Variants in IL2RA observed in about 807,000 individuals in gnomAD.
The protein encoded by IL2RA is interleukin-2 receptor subunit alpha.
A neutral mutation model predicts 37.8 loss-of-function variants in IL2RA; 24 were observed. That is an observed-to-expected ratio of 0.63 (90% CI 0.46 to 0.89). IL2RA has a LOEUF of 0.89. IL2RA is among the 40% of genes least tolerant of loss of function. The pLI is 0.00. For missense variants in IL2RA, 319 were observed against 348.6 expected (o/e 0.92, Z 0.68); for synonymous variants, 125 against 114.6 (o/e 1.09, Z -0.58).
intron 7 of IL2RA, 148 bp downstream of exon 7, chr10:6,017,901 CTCTT>C: frequency 1.4e-6 from 1 of 711,658 alleles, no homozygotes; most frequent in South Asian, 1.5e-5. Context: ...TTTTAACTGA[CTCTT>C]TCCGAGGCAT....
At position 6,044,631 on chromosome 10, in the gene IL2RA, GC is replaced by G; in HGVS notation, c.64+17456del. On this transcript the variant is annotated intron_variant, in intron 1 of 7. Transcript: ENST00000379959. This position sits in a 1 kb window ranked among gnomAD's most constrained non-coding sequence, Gnocchi z 4.5. ...GTCCTCAATTTTGTCCGATGTCTGAGCCCTGCCTCGGGGGTTGAGTCCCAAC... is the reference window on the plus strand; with the variant it reads ...GTCCTCAATTTTGTCCGATGTCTGAGCCTGCCTCGGGGGTTGAGTCCCAAC... Among the ~76,000 whole-genome samples the G allele has an allele frequency of 6.6e-6, 1 of 152,300 alleles. No homozygotes were observed. The highest frequency in any genetic ancestry group is 3.4e-3 in the Middle Eastern group (1 of 294).
chr10:6,020,813 G>A lies in IL2RA; in HGVS notation c.583+665C>T, dbSNP rs1839372449. On this transcript the variant is annotated intron_variant, in intron 4 of 7. Coordinates refer to ENST00000379959, the MANE Select transcript of IL2RA (RefSeq NM_000417.3). The surrounding 1 kb of genome is among the most constrained non-coding windows in gnomAD (Gnocchi z 5.6). The stretch of plus-strand genomic sequence containing the variant: ...CTCCCAGAGTGCTGGGATTACAGGT[G>A]TGAGCCACTGTGCCCAGCCTGCATG... 6.6e-6 allele frequency among the ~76,000 whole-genome samples: 1 copy of A among 152,182 alleles called. No homozygotes were observed. The highest frequency in any genetic ancestry group is 2.4e-5 in the African/African-American group (1 of 41,438).
intron 7 of IL2RA, among the ~76,000 whole-genome samples, 180 bp downstream of exon 7, chr10:6,017,873 C>G (rs567263760): frequency 6.6e-6 from 1 of 152,072 alleles, no homozygotes; most frequent in African/African-American, 2.4e-5. Flanking sequence ...CCACTGCACC[C>G]GGCGGTGCTT....
chr10:6,025,031 A>G lies in IL2RA; in HGVS notation c.257-677T>C, dbSNP rs945117793. ...GAGGACTGCTTGAGCCCAGGAGTTTAAGACCAGCCTGGACAACATGGGGAA... is the reference window on the plus strand; with the variant it reads ...GAGGACTGCTTGAGCCCAGGAGTTTGAGACCAGCCTGGACAACATGGGGAA... On this transcript the variant is annotated intron_variant, in intron 2 of 7. Coordinates refer to ENST00000379959, the MANE Select transcript of IL2RA (RefSeq NM_000417.3). The surrounding 1 kb of genome is among the most constrained non-coding windows in gnomAD (Gnocchi z 4.4). Among the ~76,000 whole-genome samples, 1 of 152,100 alleles carries G rather than the reference A, an allele frequency of 6.6e-6. No individual in the cohort carries two copies. The highest frequency in any genetic ancestry group is 1.9e-4 in the East Asian group (1 of 5,182).
At position 6,012,428 on chromosome 10, in the gene IL2RA, A is replaced by T. The variant is rs12722601; in HGVS notation, c.*444T>A. 5.2e-4 allele frequency: 117 copies of T among 226,374 alleles called. 1 individual carries two copies. The highest frequency in any genetic ancestry group is 2.7e-3 in the South Asian group (38 of 13,832). 14.0% of individuals were successfully genotyped at this position (226,374 alleles called of 1,614,324 possible). ...CAGACAATGTCCAGTTGTATAGGGT[A>T]GAGTGTGTGTGTTGTGTATTTACGT... On this transcript the variant is annotated 3_prime_UTR_variant, in exon 8 of 8. Coordinates refer to ENST00000379959, the MANE Select transcript of IL2RA (RefSeq NM_000417.3). The surrounding 1 kb of genome is among the most constrained non-coding windows in gnomAD (Gnocchi z 4.8).
chr10:6,013,575 G>C (rs1564539377), intron 7 of IL2RA, among the ~76,000 whole-genome samples: 1 of 152,142 alleles, frequency 6.6e-6, no homozygotes. Context: ...ACGGTTGCCT[G>C]TCTTCCCTGG....
Position 6,057,485 on chromosome 10 carries a change from A to T in IL2RA, c.64+4603T>A, listed in dbSNP as rs1278624937. On this transcript the variant is annotated intron_variant, in intron 1 of 7. Transcript: ENST00000379959. The surrounding 1 kb of genome is among the most constrained non-coding windows in gnomAD (Gnocchi z 4.8). ...GAGCTTATTTTATTTCCTTTCTGGAATCCTTGACATAGAGTGAAGGAACTG... is the reference window on the plus strand; with the variant it reads ...GAGCTTATTTTATTTCCTTTCTGGATTCCTTGACATAGAGTGAAGGAACTG... Among the ~76,000 whole-genome samples, 3 of 152,174 alleles carry T rather than the reference A, an allele frequency of 2.0e-5. No individual in the cohort carries two copies. Among genetic ancestry groups the T allele is most frequent in the Non-Finnish European group, 4.4e-5 (3 of 68,036 alleles).
intron 7 of IL2RA, chr10:6,017,228 CCA>C (rs1335544969): frequency 6.6e-6 from 1 of 152,268 alleles, no homozygotes; most frequent in Non-Finnish European, 1.5e-5. Context: ...TGCAAAAAGA[CCA>C]CACATGGTTT....
intron 1 of IL2RA, among the ~76,000 whole-genome samples, chr10:6,037,113 G>A (rs1327512397): frequency 6.6e-6 from 1 of 152,180 alleles, no homozygotes; most frequent in African/African-American, 2.4e-5. Context: ...CACAGTGAGT[G>A]CTGCTCAATC....
At chr10:6,027,101 C>T (rs2132861293) in intron 1 of IL2RA, among the ~76,000 whole-genome samples, 1 of 152,240 alleles carries the variant, frequency 6.6e-6, no homozygotes, top group African/African-American at 2.4e-5. Flanking sequence ...GCGGGTAGAT[C>T]ACATGAGGTC....
At chr10:6,013,689 C>T (rs1839229759) in intron 7 of IL2RA, among the ~76,000 whole-genome samples, 1 of 152,088 alleles carries the variant, frequency 6.6e-6, no homozygotes, top group Admixed American at 6.5e-5. Context: ...GGTATTTCCA[C>T]CATGCGGACA....
chr10:6,031,504 A>ATATATATG (rs1564546048), intron 1 of IL2RA, among the ~76,000 whole-genome samples: 1 of 70,286 alleles, frequency 1.4e-5, no homozygotes, highest in East Asian at 7.5e-4. Flanking sequence ...GTATATATAT[A>ATATATATG]TATATATGTA....
chr10:6,031,473 T>TATAC lies in IL2RA; in HGVS notation c.65-5449_65-5448insGTAT, dbSNP rs1839580655. Among the ~76,000 whole-genome samples the TATAC allele has an allele frequency of 1.2e-4, 2 of 16,870 alleles. 1 individual carries two copies. Among genetic ancestry groups the TATAC allele is most frequent in the African/African-American group, 4.0e-4 (2 of 4,940 alleles). The allele number at this position is 16,870 out of a possible 152,430, so 11.1% of individuals were successfully genotyped here. ...ATATATACATATATATATATATATA[T>TATAC]ATATATATATATATATATATGTATA... is the stretch of plus-strand genomic sequence containing the variant. On this transcript the variant is annotated intron_variant, in intron 1 of 7. Transcript: ENST00000379959.
In IL2RA at chr10:6,060,426, G is replaced by A. The variant is rs148830805; in HGVS notation, c.64+1662C>T. Among the ~76,000 whole-genome samples, 1,156 of 152,228 alleles carry A rather than the reference G, an allele frequency of 7.6e-3. 14 individuals carry two copies. The highest frequency in any genetic ancestry group is 0.026 in the African/African-American group (1,097 of 41,522). On this transcript the variant is annotated intron_variant, in intron 1 of 7. Coordinates refer to ENST00000379959, the MANE Select transcript of IL2RA (RefSeq NM_000417.3). ...AATCACCACTAAAGAACTTATTCATGTAACCAAACACCACCTGTCCTCCAA... is the reference window on the plus strand; with the variant it reads ...AATCACCACTAAAGAACTTATTCATATAACCAAACACCACCTGTCCTCCAA...
rs889114697 is a variant in IL2RA, at chr10:6,058,389, G to T, written c.64+3699C>A. Among the ~76,000 whole-genome samples the T allele has an allele frequency of 1.3e-5, 2 of 152,130 alleles. No individual in the cohort carries two copies. Among genetic ancestry groups the T allele is most frequent in the African/African-American group, 4.8e-5 (2 of 41,412 alleles). On this transcript the variant is annotated intron_variant, in intron 1 of 7. Coordinates refer to ENST00000379959, the MANE Select transcript of IL2RA (RefSeq NM_000417.3). This position sits in a 1 kb window ranked among gnomAD's most constrained non-coding sequence, Gnocchi z 4.2. ...ATATGCACAGGTGATTTATCAAACT[G>T]CCTATTTAAGGCATGCTGTTTTAAG...
intron 1 of IL2RA, among the ~76,000 whole-genome samples, chr10:6,049,291 G>C (rs1436105062): frequency 2.6e-5 from 4 of 152,210 alleles, no homozygotes; most frequent in African/African-American, 9.6e-5. Flanking sequence ...ACCTTCCTCT[G>C]CCTTCTTGTT....
At chr10:6,031,476 A>ATATATATATG (rs1839582055) in intron 1 of IL2RA, among the ~76,000 whole-genome samples, 3 of 25,172 alleles carry the variant, frequency 1.2e-4, no homozygotes, top group Non-Finnish European at 2.2e-4. Flanking sequence ...ATATATATAT[A>ATATATATATG]TATATATATA....
In IL2RA at chr10:6,019,880, G is replaced by C. The variant is rs1839354112; in HGVS notation, c.645C>G (p.Val215=). 6.2e-7 allele frequency: 1 copy of C among 1,614,096 alleles called. No individual in the cohort carries two copies. Among genetic ancestry groups the C allele is most frequent in the Admixed American group, 1.7e-5 (1 of 60,028 alleles). The stretch of plus-strand genomic sequence containing the variant: ...TGTCTTCTCCCGCACCTGTTGTTGT[G>C]ACGAGGCAGGAAGTCTCACTCTCAG... The part of the protein sequence containing the change: ...GRPESETSCL[V]TTTDFQIQTE... Residue 215 remains valine (V), a synonymous_variant, in exon 5 of 8, where the codon GTC becomes GTG. Coordinates refer to ENST00000379959, the MANE Select transcript of IL2RA (RefSeq NM_000417.3).
rs1200355687 is a variant in IL2RA, at chr10:6,057,354, G to C, written c.64+4734C>G. On this transcript the variant is annotated intron_variant, in intron 1 of 7. Transcript: ENST00000379959. This position sits in a 1 kb window ranked among gnomAD's most constrained non-coding sequence, Gnocchi z 4.8. Reference sequence around the variant, plus strand: ...ACCCACAATGAGACATCAGGCTTGGGTGCATTGATACACAAAAGTCGCTCA... The same window carrying C: ...ACCCACAATGAGACATCAGGCTTGGCTGCATTGATACACAAAAGTCGCTCA... Among the ~76,000 whole-genome samples the C allele has an allele frequency of 1.3e-5, 2 of 152,180 alleles. No homozygotes were observed. The highest frequency in any genetic ancestry group is 1.3e-4 in the Admixed American group (2 of 15,288).
Sources: allele counts gnomAD v4.1 joint callset (sites outside exome capture counted in the v4.1 genomes callset), GRCh38; gene constraint gnomAD v4.1.1; non-coding constraint Gnocchi (gnomAD v3.1); transcripts MANE v1.5; gene names NCBI Gene and HGNC (gene_info 2026-07-23, HGNC 2026-07-21).